The following LRP1B variants were observed in gnomAD, a reference collection of about 807,000 sequenced individuals.
The protein encoded by LRP1B is low-density lipoprotein receptor-related protein 1B.
In LRP1B, 217 loss-of-function variants were observed where a neutral mutation model predicts 556.6. That is an observed-to-expected ratio of 0.39 (90% CI 0.35 to 0.44). LRP1B has a LOEUF of 0.44. LRP1B is among the 20% of genes least tolerant of loss of function. The pLI, the probability that LRP1B is intolerant of heterozygous loss-of-function variation, is 1.00. For missense variants in LRP1B, 5,053 were observed against 5,620.8 expected, an observed-to-expected ratio of 0.90 and a Z score of 3.23; for synonymous variants, 2,047 against 1,865.8, an observed-to-expected ratio of 1.10 and a Z score of -2.50.
At chr2:140,457,917 C>T (rs1258992473) in intron 60 of LRP1B, among the ~76,000 whole-genome samples, 1 of 152,134 alleles carries the variant, frequency 6.6e-6, no homozygotes, top group East Asian at 1.9e-4. Context: ...GCCTGCTTCA[C>T]CAGAAACAAA....
At chr2:140,442,816 TAAAGA>T (rs1686490149) in intron 65 of LRP1B, among the ~76,000 whole-genome samples, 193 bp from the exon 66 acceptor site, 1 of 152,080 alleles carries the variant, frequency 6.6e-6, no homozygotes, top group African/African-American at 2.4e-5. Context: ...CCAGTAAAAT[TAAAGA>T]AAACATATTT....
chr2:141,164,174 T>C (rs2105120523), intron 7 of LRP1B, among the ~76,000 whole-genome samples: 1 of 152,058 alleles, frequency 6.6e-6, no homozygotes, highest in South Asian at 2.1e-4. Flanking sequence ...TCAAAATCTT[T>C]CAAAGAAATT....
At chr2:141,274,543 G>T (rs754264867) in intron 3 of LRP1B, among the ~76,000 whole-genome samples, 3 of 152,092 alleles carry the variant, frequency 2.0e-5, no homozygotes, top group Admixed American at 6.6e-5. Flanking sequence ...CCTAGTACTG[G>T]GGGATATTGT....
At chr2:141,672,526 T>A (rs868478244) in intron 2 of LRP1B, among the ~76,000 whole-genome samples, 2 of 152,210 alleles carry the variant, frequency 1.3e-5, no homozygotes, top group African/African-American at 4.8e-5. Context: ...ACTGAACTTA[T>A]AATGTTTGGG....
At chr2:141,691,808 C>T (rs947382332) in intron 2 of LRP1B, among the ~76,000 whole-genome samples, 14 of 151,932 alleles carry the variant, frequency 9.2e-5, no homozygotes, top group African/African-American at 3.1e-4. Flanking sequence ...TCAACCTAAA[C>T]GTCTTCTGCA....
chr2:140,635,862 A>G (rs1684054330), intron 41 of LRP1B, among the ~76,000 whole-genome samples: 1 of 152,106 alleles, frequency 6.6e-6, no homozygotes. Context: ...CCTGAAGTTG[A>G]GTGAAATAAC....
chr2:140,981,789 C>T (rs1025339), intron 18 of LRP1B, among the ~76,000 whole-genome samples: 49,542 of 151,910 alleles, frequency 0.33, 8,569 homozygotes, highest in East Asian at 0.58. Context: ...ACATGTCCTC[C>T]TCCCTTACCC....
At chr2:140,802,358 TA>T (rs1690545752) in intron 32 of LRP1B, among the ~76,000 whole-genome samples, 1 of 152,250 alleles carries the variant, frequency 6.6e-6, no homozygotes. Flanking sequence ...AGTGGACATT[TA>T]TATTGATGAA....
At chr2:141,343,794 T>C (rs540744890) in intron 3 of LRP1B, among the ~76,000 whole-genome samples, 3 of 152,350 alleles carry the variant, frequency 2.0e-5, no homozygotes, top group South Asian at 4.1e-4. Flanking sequence ...CTTATAAGCA[T>C]GTGCTCATTA....
At chr2:141,635,100 T>C (rs1689065597) in intron 2 of LRP1B, among the ~76,000 whole-genome samples, 1 of 150,964 alleles carries the variant, frequency 6.6e-6, no homozygotes, top group African/African-American at 2.4e-5. Context: ...CTTACTCCCA[T>C]TCATTCCCAA....
chr2:142,086,664 C>T (rs535894328), intron 1 of LRP1B, among the ~76,000 whole-genome samples: 1 of 151,818 alleles, frequency 6.6e-6, no homozygotes, highest in South Asian at 2.1e-4. Flanking sequence ...AACTTGTCTC[C>T]AGCAGCTTTG....
chr2:140,940,526 A>T (rs1695368255), intron 20 of LRP1B, among the ~76,000 whole-genome samples: 1 of 152,184 alleles, frequency 6.6e-6, no homozygotes, highest in Non-Finnish European at 1.5e-5. Flanking sequence ...CTTATAGGTA[A>T]ATCCACCTTT....
chr2:141,819,484 G>C (rs1175945813), intron 1 of LRP1B, among the ~76,000 whole-genome samples: 1 of 152,136 alleles, frequency 6.6e-6, no homozygotes, highest in African/African-American at 2.4e-5. Flanking sequence ...GATAAGCCAG[G>C]AAAAGAAAGT....
At chr2:141,098,202 A>C (rs529602304) in intron 7 of LRP1B, among the ~76,000 whole-genome samples, 1 of 152,220 alleles carries the variant, frequency 6.6e-6, no homozygotes, top group Non-Finnish European at 1.5e-5. Flanking sequence ...GTCCTGATTC[A>C]AACTATATGG....
At chr2:141,562,055 C>A (rs965727587) in intron 2 of LRP1B, among the ~76,000 whole-genome samples, 1 of 151,786 alleles carries the variant, frequency 6.6e-6, no homozygotes, top group Non-Finnish European at 1.5e-5. Flanking sequence ...AAGCTCCCAG[C>A]CTCCAGGAAT....
At chr2:140,446,050 G>A (rs1362848854) in intron 63 of LRP1B, among the ~76,000 whole-genome samples, 1 of 133,598 alleles carries the variant, frequency 7.5e-6, no homozygotes, top group Non-Finnish European at 1.7e-5. Context: ...TGCTTCCATA[G>A]AAATGAGAGT....
rs16855993 is a variant in LRP1B at position 140,245,212 on chromosome 2, A to T, written c.13324+1874T>A. 3.7e-3 allele frequency among the ~76,000 whole-genome samples: 564 copies of T among 151,356 alleles called. 3 individuals are homozygous for T. The highest frequency in any genetic ancestry group is 0.013 in the African/African-American group (519 of 41,416). ...TTGGAAAGGGTTACAACTATTTGCA[A>T]CTCTTTCCCCTATTTGATGTTCTTT... On this transcript the variant is annotated intron_variant, in intron 87 of 90. Coordinates refer to ENST00000389484, the MANE Select transcript of LRP1B (RefSeq NM_018557.3).
intron 1 of LRP1B, among the ~76,000 whole-genome samples, chr2:141,820,277 A>G (rs1282243405): frequency 1.3e-5 from 2 of 152,192 alleles, no homozygotes; most frequent in Middle Eastern, 3.2e-3. Flanking sequence ...TCACATCTGT[A>G]AGCACAGGAT....
chr2:140,985,396 T>C (rs1387911266), intron 17 of LRP1B, among the ~76,000 whole-genome samples: 1 of 149,932 alleles, frequency 6.7e-6, no homozygotes, highest in Admixed American at 6.7e-5. Context: ...TTATAATTGG[T>C]AGAGGATGTG....
Sources: allele counts gnomAD v4.1 joint callset (sites outside exome capture counted in the v4.1 genomes callset), GRCh38; gene constraint gnomAD v4.1.1; transcripts MANE v1.5; gene names NCBI Gene and HGNC (gene_info 2026-07-23, HGNC 2026-07-21).